The following LAMC1 variants were observed in gnomAD, a reference collection of about 807,000 sequenced individuals.
The protein encoded by LAMC1 is laminin subunit gamma-1.
Under a neutral mutation model 173.6 loss-of-function variants are expected in LAMC1, and 38 were observed. The observed-to-expected ratio is 0.22, with a 90% CI of 0.17 to 0.29. LAMC1 has a LOEUF of 0.29. Ranked by LOEUF, LAMC1 falls within the 10% of genes least tolerant of loss-of-function variation. LAMC1 has a pLI of 1.00. For synonymous variants in LAMC1, 746 were observed against 749.1 expected (o/e 1.00, Z 0.07); for missense variants, 1,824 against 2,051.8 (o/e 0.89, Z 2.14).
chr1:183,073,082 G>C (rs565917530), intron 1 of LAMC1, among the ~76,000 whole-genome samples: 10 of 152,206 alleles, frequency 6.6e-5, no homozygotes, highest in Non-Finnish European at 1.3e-4. Flanking sequence ...AAAGGTTGGG[G>C]ACTGCTGGAT....
At position 183,143,712 on chromosome 1, in the gene LAMC1, A is replaced by C. The variant is rs1657180515; in HGVS notation, c.*922A>C. The C allele has an allele frequency of 6.6e-6, 1 of 152,220 alleles. No individual in the cohort carries two copies. The allele number at this position is 152,220 out of a possible 1,614,324, so 9.4% of individuals were successfully genotyped here. A position where few individuals can be genotyped will look rare whatever the true frequency, so the allele number is the denominator to read the frequency against. Reference sequence around the variant, plus strand: ...TAGTGTTAAGTATCTGGCAGAGAACAGTTAATCCCTAAGGTCTTGACAAAA... The same window carrying C: ...TAGTGTTAAGTATCTGGCAGAGAACCGTTAATCCCTAAGGTCTTGACAAAA... On this transcript the variant is annotated 3_prime_UTR_variant, in exon 28 of 28. Transcript: ENST00000258341.
At chr1:183,031,764 T>C (rs886434174) in intron 1 of LAMC1, among the ~76,000 whole-genome samples, 1 of 152,224 alleles carries the variant, frequency 6.6e-6, no homozygotes, top group African/African-American at 2.4e-5. Flanking sequence ...ATGGGATTAA[T>C]GTTTCTTCAA....
intron 27 of LAMC1, 140 bp downstream of exon 27, chr1:183,140,643 A>G: frequency 2.3e-6 from 1 of 432,138 alleles, no homozygotes; most frequent in Non-Finnish European, 4.0e-6. Context: ...AATTATTAAT[A>G]TTTCCTTTTG....
At chr1:183,121,379 T>C (rs1361622494) in intron 11 of LAMC1, among the ~76,000 whole-genome samples, 4 of 152,058 alleles carry the variant, frequency 2.6e-5, no homozygotes, top group Admixed American at 6.5e-5. Flanking sequence ...TGAGTCGAGA[T>C]TGCACCACTG....
chr1:183,031,315 T>G (rs1178696006), intron 1 of LAMC1, among the ~76,000 whole-genome samples: 1 of 152,170 alleles, frequency 6.6e-6, no homozygotes, highest in East Asian at 1.9e-4. Context: ...TTTTTTTCTT[T>G]TTTTTTGGAG....
chr1:183,110,741 C>G, intron 4 of LAMC1, 87 bp downstream of exon 4: 1 of 1,370,868 alleles, frequency 7.3e-7, no homozygotes, highest in Non-Finnish European at 1.0e-6. Flanking sequence ...TTTATTCCTC[C>G]TTGAAAGGAA....
chr1:183,120,636 CCT>C (rs1323565512), intron 11 of LAMC1, among the ~76,000 whole-genome samples: 2 of 152,148 alleles, frequency 1.3e-5, no homozygotes, highest in East Asian at 3.9e-4. Flanking sequence ...GAGGCCTATA[CCT>C]CTCTGATAAA....
intron 1 of LAMC1, among the ~76,000 whole-genome samples, chr1:183,067,432 A>G (rs1283232377): frequency 2.6e-5 from 4 of 152,182 alleles, no homozygotes; most frequent in East Asian, 1.9e-4. Context: ...GTAGTTTCCT[A>G]TTGGCTGTTC....
chr1:183,073,040 T>C (rs1228714164), intron 1 of LAMC1, among the ~76,000 whole-genome samples: 1 of 152,236 alleles, frequency 6.6e-6, no homozygotes. Flanking sequence ...GTAATGTGCT[T>C]GAATCATCCT....
intron 26 of LAMC1, chr1:183,138,314 T>C (rs1190598806): frequency 5.2e-6 from 2 of 385,288 alleles, no homozygotes; most frequent in Non-Finnish European, 7.1e-6. Flanking sequence ...TGATAATGTG[T>C]ATGCAAGGTA....
intron 1 of LAMC1, among the ~76,000 whole-genome samples, chr1:183,069,431 G>C (rs568698271): frequency 2.0e-5 from 3 of 152,282 alleles, no homozygotes; most frequent in East Asian, 1.9e-4. Context: ...TGTGCACTGG[G>C]AGATCCAGGA....
At chr1:183,057,800 G>A (rs1213140687) in intron 1 of LAMC1, among the ~76,000 whole-genome samples, 1 of 152,060 alleles carries the variant, frequency 6.6e-6, no homozygotes, top group Non-Finnish European at 1.5e-5. Context: ...AAGCCTGAAG[G>A]GTTGGGAAGT....
At position 183,137,738 on chromosome 1, in the gene LAMC1, A is replaced by G; in HGVS notation, c.4384A>G (p.Asn1462Asp). Reference sequence around the variant, plus strand: ...AGTTACAGATCTGGATAATGAGGTGAACAATATGTTGAAGCAACTGCAGGA... The same window carrying G: ...AGTTACAGATCTGGATAATGAGGTGGACAATATGTTGAAGCAACTGCAGGA... Reference protein sequence around the residue: ...AEVTDLDNEVNNMLKQLQEAE... With the variant: ...AEVTDLDNEVDNMLKQLQEAE... Residue 1462 changes from asparagine (N) to aspartate (D), a missense_variant, in exon 26 of 28, where the codon AAC becomes GAC. Asn to Asp is a conservative substitution (Grantham distance 23, BLOSUM62 1). Coordinates refer to ENST00000258341, the MANE Select transcript of LAMC1 (RefSeq NM_002293.4). 1 of 1,612,800 alleles carries G rather than the reference A, an allele frequency of 6.2e-7. No homozygotes were observed. Among genetic ancestry groups the G allele is most frequent in the Admixed American group, 1.7e-5 (1 of 59,800 alleles).
chr1:183,056,309 T>G (rs1272071383), intron 1 of LAMC1, among the ~76,000 whole-genome samples: 1 of 152,246 alleles, frequency 6.6e-6, no homozygotes, highest in Non-Finnish European at 1.5e-5. Context: ...GAGCAGCCAG[T>G]GCAGCACCCA....
At position 183,127,317 on chromosome 1, in the gene LAMC1, T is replaced by C; in HGVS notation, c.3036T>C (p.Cys1012=). Residue 1012 remains cysteine (C), a synonymous_variant, in exon 17 of 28, where the codon TGT becomes TGC. Coordinates refer to ENST00000258341, the MANE Select transcript of LAMC1 (RefSeq NM_002293.4). ...ECREGFVGNR[C]DQCEENYFYN... ...GAGAAGGCTTTGTGGGAAATCGCTGTGACCAGTGTGAAGAAAACTATTTCT... is the reference window on the plus strand; with the variant it reads ...GAGAAGGCTTTGTGGGAAATCGCTGCGACCAGTGTGAAGAAAACTATTTCT... 1 of 1,614,216 alleles carries C rather than the reference T, an allele frequency of 6.2e-7. No individual in the cohort carries two copies. Among genetic ancestry groups the C allele is most frequent in the Non-Finnish European group, 8.5e-7 (1 of 1,180,034 alleles).
At chr1:183,136,347 T>TGG (rs1248642706) in intron 24 of LAMC1, 39 bp from the exon 25 acceptor site, 6 of 1,575,066 alleles carry the variant, frequency 3.8e-6, no homozygotes, top group Non-Finnish European at 5.2e-6. Context: ...TTTTACTTGT[T>TGG]GGGAGTTTAG....
chr1:183,090,610 G>A (rs969506235), intron 1 of LAMC1, among the ~76,000 whole-genome samples: 3 of 152,210 alleles, frequency 2.0e-5, no homozygotes, highest in African/African-American at 7.2e-5. Context: ...AGGAGGCCTT[G>A]TGCAAAGGAC....
chr1:183,114,403 T>A, intron 4 of LAMC1, 128 bp from the exon 5 acceptor site: 2 of 925,472 alleles, frequency 2.2e-6, no homozygotes, highest in Non-Finnish European at 3.5e-6. Flanking sequence ...GTGCATCTGG[T>A]AATCATTCTT....
At chr1:183,080,897 TA>T (rs1369384100) in intron 1 of LAMC1, among the ~76,000 whole-genome samples, 1 of 152,194 alleles carries the variant, frequency 6.6e-6, no homozygotes, top group African/African-American at 2.4e-5. Flanking sequence ...TTTATTTATT[TA>T]TTTTTTTGAG....
Sources: gnomAD v4.1 joint callset for allele counts (sites outside exome capture counted in the v4.1 genomes callset) on GRCh38, gnomAD v4.1.1 for gene constraint, MANE v1.5 for transcripts, NCBI Gene and HGNC (gene_info 2026-07-23, HGNC 2026-07-21) for gene names.